The following KCNIP1 variants were observed in gnomAD, a reference collection of about 807,000 sequenced individuals.
The protein encoded by KCNIP1 is potassium voltage-gated channel interacting protein 1.
In KCNIP1, 18 loss-of-function variants were observed where a neutral mutation model predicts 33.0. The ratio of observed to expected loss-of-function variants is 0.55; its 90% CI spans 0.38 to 0.81. The LOEUF (loss-of-function observed/expected upper bound fraction) is 0.81, where lower values mean the gene tolerates loss of function less well. KCNIP1 is among the 30% of genes least tolerant of loss of function. KCNIP1 has a pLI of 0.00. For missense variants in KCNIP1, 238 were observed against 271.6 expected, an observed-to-expected ratio of 0.88 and a Z score of 0.87; for synonymous variants, 93 against 98.3, an observed-to-expected ratio of 0.95 and a Z score of 0.32.
chr5:170,548,499 C>T (rs959790134), intron 1 of KCNIP1, among the ~76,000 whole-genome samples: 102 of 152,178 alleles, frequency 6.7e-4, no homozygotes, highest in Non-Finnish European at 1.2e-3. Context: ...GAGGTAACAA[C>T]CCAAGTTCAT....
chr5:170,528,238 T>A (rs1315139864), intron 1 of KCNIP1, among the ~76,000 whole-genome samples: 2 of 152,132 alleles, frequency 1.3e-5, no homozygotes, highest in African/African-American at 4.8e-5. Context: ...CCTCTCCCAT[T>A]CCCTTCCCCA....
At chr5:170,607,757 CAG>C (rs1437642982) in intron 1 of KCNIP1, among the ~76,000 whole-genome samples, 2 of 152,180 alleles carry the variant, frequency 1.3e-5, no homozygotes, top group East Asian at 3.8e-4. Flanking sequence ...TCCAAGGTCA[CAG>C]AGAGGTTTGT....
chr5:170,648,376 C>A (rs1760879614), intron 1 of KCNIP1, among the ~76,000 whole-genome samples: 1 of 152,138 alleles, frequency 6.6e-6, no homozygotes, highest in Non-Finnish European at 1.5e-5. Context: ...TTGTAGGCCA[C>A]CAAGATGTCC....
chr5:170,644,476 C>T (rs4867623), intron 1 of KCNIP1, among the ~76,000 whole-genome samples: 31,502 of 152,090 alleles, frequency 0.21, 4,322 homozygotes, highest in African/African-American at 0.39. Context: ...AGGGGCTGGG[C>T]GGAGGAGCAG....
chr5:170,416,928 T>TC (rs1167749423), intron 1 of KCNIP1, among the ~76,000 whole-genome samples: 5 of 152,220 alleles, frequency 3.3e-5, no homozygotes, highest in Non-Finnish European at 5.9e-5. Flanking sequence ...TTAAATAATA[T>TC]CCTCTTTTTA....
At chr5:170,700,007 G>T (rs1763037923) in intron 1 of KCNIP1, among the ~76,000 whole-genome samples, 1 of 152,094 alleles carries the variant, frequency 6.6e-6, no homozygotes. Context: ...TGTTAACATG[G>T]GTTCCCAGCC....
chr5:170,561,515 C>T (rs997993269), intron 1 of KCNIP1, among the ~76,000 whole-genome samples: 4 of 152,314 alleles, frequency 2.6e-5, no homozygotes, highest in Admixed American at 6.5e-5. Context: ...TTAGAGGTAG[C>T]GTTGGCTTCC....
At chr5:170,526,069 C>T (rs1277519847) in intron 1 of KCNIP1, among the ~76,000 whole-genome samples, 27 of 152,206 alleles carry the variant, frequency 1.8e-4, no homozygotes, top group Non-Finnish European at 7.3e-5. Flanking sequence ...CATCGCTGGA[C>T]CCCACTGTGT....
intron 1 of KCNIP1, among the ~76,000 whole-genome samples, chr5:170,468,882 A>G (rs1022273522): frequency 2.0e-5 from 3 of 147,644 alleles, no homozygotes; most frequent in Non-Finnish European, 4.4e-5. Flanking sequence ...GTCTCAAACA[A>G]AATTTTTTTA....
At chr5:170,512,143 C>G (rs1212125797) in intron 1 of KCNIP1, among the ~76,000 whole-genome samples, 1 of 152,198 alleles carries the variant, frequency 6.6e-6, no homozygotes, top group South Asian at 2.1e-4. Context: ...CTCCTCTGCT[C>G]TAATCATTTA....
chr5:170,623,533 AC>A (rs1331716874), intron 1 of KCNIP1, among the ~76,000 whole-genome samples: 1 of 151,834 alleles, frequency 6.6e-6, no homozygotes, highest in African/African-American at 2.4e-5. Context: ...GTCTTAAACC[AC>A]CCCAGCCTGT....
intron 1 of KCNIP1, among the ~76,000 whole-genome samples, chr5:170,625,856 A>C (rs1222452489): frequency 1.3e-5 from 2 of 152,192 alleles, no homozygotes; most frequent in Non-Finnish European, 2.9e-5. Flanking sequence ...TGGGCAGATG[A>C]TGCTGCTTTG....
At chr5:170,722,924 G>A (rs1763877741) in intron 5 of KCNIP1, 104 bp downstream of exon 5, 1 of 714,916 alleles carries the variant, frequency 1.4e-6, no homozygotes, top group Non-Finnish European at 2.4e-6. Flanking sequence ...AATGAGGCAG[G>A]CTCTGCTTTG....
intron 1 of KCNIP1, among the ~76,000 whole-genome samples, chr5:170,355,914 C>G (rs774896850): frequency 2.0e-5 from 3 of 152,214 alleles, no homozygotes; most frequent in Non-Finnish European, 4.4e-5. Flanking sequence ...GTGTCTTAAC[C>G]GCATCTGTCT....
At chr5:170,586,261 C>A (rs1289317262) in intron 1 of KCNIP1, among the ~76,000 whole-genome samples, 2 of 152,216 alleles carry the variant, frequency 1.3e-5, no homozygotes, top group African/African-American at 4.8e-5. Flanking sequence ...CTGGCCTCTG[C>A]AATTCATCTG....
Position 170,504,036 on chromosome 5 carries a change from G to T in KCNIP1, c.-537G>T, listed in dbSNP as rs948822044. The T allele has an allele frequency of 1.0e-6, 1 of 985,104 alleles. No homozygotes were observed. Among genetic ancestry groups the T allele is most frequent in the Non-Finnish European group, 1.2e-6 (1 of 829,852 alleles). 61.0% of individuals were successfully genotyped at this position (985,104 alleles called of 1,614,324 possible). On this transcript the variant is annotated 5_prime_UTR_variant, in exon 1 of 8. Coordinates refer to ENST00000328939, the MANE Select transcript of KCNIP1 (RefSeq NM_014592.4). This position sits in a 1 kb window ranked among gnomAD's most constrained non-coding sequence, Gnocchi z 6.0. ...CGCCGCTCCGACTCTCGCCCCGAGC[G>T]CTGGCAGCAGGCAGCAGGCAGCAGG...
intron 1 of KCNIP1, among the ~76,000 whole-genome samples, chr5:170,448,678 G>A (rs1210319206): frequency 6.6e-6 from 1 of 152,160 alleles, no homozygotes. Context: ...AAATAATAGT[G>A]TATGAGCTGG....
chr5:170,396,235 G>A (rs1044698197), intron 1 of KCNIP1, among the ~76,000 whole-genome samples: 4 of 152,240 alleles, frequency 2.6e-5, no homozygotes, highest in Admixed American at 2.6e-4. Flanking sequence ...GCTGAGGGAA[G>A]GGAGCTCTGT....
rs181272931 is a variant in KCNIP1 at position 170,666,534 on chromosome 5, C to A, written c.62-52224C>A. ...TTTGTTTATAATTATAAGGGTAAGT[C>A]AGCTCATTGCATAAAATATAGCAAA... On this transcript the variant is annotated intron_variant, in intron 1 of 7. Transcript: ENST00000328939. 6.6e-4 allele frequency among the ~76,000 whole-genome samples: 101 copies of A among 152,224 alleles called. No individual in the cohort carries two copies. The East Asian group carries it at 0.018, about 27-fold the overall frequency.
Sources: allele counts gnomAD v4.1 joint callset (sites outside exome capture counted in the v4.1 genomes callset), GRCh38; gene constraint gnomAD v4.1.1; non-coding constraint Gnocchi (gnomAD v3.1); transcripts MANE v1.5; gene names NCBI Gene and HGNC (gene_info 2026-07-23, HGNC 2026-07-21).